GPHN: variants seen among roughly 807,000 people sequenced by gnomAD.
GPHN encodes the protein gephyrin.
Under a neutral mutation model 95.5 loss-of-function variants are expected in GPHN, and 17 were observed. The observed-to-expected ratio is 0.18, with a 90% CI of 0.12 to 0.27. GPHN has a LOEUF of 0.27. Ranked by LOEUF, GPHN falls within the 10% of genes least tolerant of loss-of-function variation. The pLI, the probability that GPHN is intolerant of heterozygous loss-of-function variation, is 1.00. For missense variants in GPHN, 660 were observed against 978.1 expected, an observed-to-expected ratio of 0.67 and a Z score of 4.34; for synonymous variants, 320 against 322.5, an observed-to-expected ratio of 0.99 and a Z score of 0.08.
intron 4 of GPHN, among the ~76,000 whole-genome samples, chr14:66,836,883 A>T (rs1469739453): frequency 1.3e-5 from 2 of 151,552 alleles, no homozygotes; most frequent in African/African-American, 4.9e-5. Flanking sequence ...GCAAATCAAA[A>T]CCACAATGAG....
At chr14:67,161,065 G>A (rs1595438566) in intron 19 of GPHN, among the ~76,000 whole-genome samples, 2 of 152,142 alleles carry the variant, frequency 1.3e-5, no homozygotes, top group East Asian at 3.9e-4. Context: ...GCTGAAGCAG[G>A]CAGGTTGCTT....
At chr14:66,710,992 T>C (rs1566852911) in intron 2 of GPHN, among the ~76,000 whole-genome samples, 2 of 152,220 alleles carry the variant, frequency 1.3e-5, no homozygotes, top group Admixed American at 6.5e-5. Context: ...AGAATAGTTA[T>C]CAAACTTTAT....
chr14:67,064,811 G>C (rs2075977156), intron 11 of GPHN, among the ~76,000 whole-genome samples: 1 of 151,992 alleles, frequency 6.6e-6, no homozygotes, highest in Non-Finnish European at 1.5e-5. Context: ...GCATCTATTT[G>C]GTTCTTATCT....
chr14:67,015,375 C>T (rs889545322), intron 9 of GPHN, among the ~76,000 whole-genome samples: 4 of 151,942 alleles, frequency 2.6e-5, no homozygotes, highest in Non-Finnish European at 4.4e-5. Flanking sequence ...GTCTATTTGC[C>T]GGCATTCTCT....
At chr14:67,001,477 A>G (rs1040600820) in intron 9 of GPHN, among the ~76,000 whole-genome samples, 9 of 151,642 alleles carry the variant, frequency 5.9e-5, no homozygotes, top group Admixed American at 6.6e-5. Flanking sequence ...TATCAAACTC[A>G]GTATGTCCAG....
At chr14:67,341,408 G>A in the GPHN span, among the ~76,000 whole-genome samples, 3 of 151,656 alleles carry the variant, frequency 2.0e-5, no homozygotes, top group Admixed American at 6.6e-5. Flanking sequence ...CAGCCGCCCC[G>A]TCTGGGAAGT....
the GPHN span, chr14:67,706,301 A>T: frequency 3.3e-5 from 5 of 152,226 alleles, no homozygotes; most frequent in Admixed American, 3.3e-4. Context: ...GGATTTTGTG[A>T]TATTTGTAGT....
the GPHN span, chr14:67,340,625 G>A: frequency 4.2e-6 from 4 of 944,450 alleles, no homozygotes; most frequent in Non-Finnish European, 4.9e-6. Flanking sequence ...TAAAATTAAT[G>A]TGCATTTAAT....
At chr14:66,938,670 C>G (rs1195274546) in intron 8 of GPHN, among the ~76,000 whole-genome samples, 1 of 152,142 alleles carries the variant, frequency 6.6e-6, no homozygotes, top group East Asian at 1.9e-4. Context: ...TGGTACAATT[C>G]TTTCCATGAA....
intron 2 of GPHN, among the ~76,000 whole-genome samples, chr14:66,735,659 T>TTC (rs2072195287): frequency 1.3e-5 from 2 of 152,180 alleles, no homozygotes; most frequent in Admixed American, 1.3e-4. Context: ...CCAGAGCACC[T>TTC]TGAACTGAGA....
intron 2 of GPHN, among the ~76,000 whole-genome samples, chr14:66,736,774 T>C (rs1040836846): frequency 1.3e-5 from 2 of 152,150 alleles, no homozygotes; most frequent in African/African-American, 4.8e-5. Context: ...TACAAAGATA[T>C]TTTCTATTTG....
At chr14:66,629,542 A>T (rs1007678560) in intron 1 of GPHN, among the ~76,000 whole-genome samples, 1 of 152,156 alleles carries the variant, frequency 6.6e-6, no homozygotes, top group African/African-American at 2.4e-5. Context: ...ACCCTAAAAT[A>T]ATGATGTAAA....
the GPHN span, chr14:67,205,184 A>G: frequency 5.5e-6 from 7 of 1,263,546 alleles, no homozygotes; most frequent in East Asian, 1.8e-4. Flanking sequence ...GATTATCAAA[A>G]TGCTATGGAA....
the GPHN span, among the ~76,000 whole-genome samples, chr14:67,339,862 G>A: frequency 2.0e-5 from 3 of 151,946 alleles, no homozygotes; most frequent in African/African-American, 7.2e-5. Flanking sequence ...ACTTTGGCAG[G>A]CCAAGGCAGG....
At chr14:66,540,531 C>T (rs1297012036) in intron 1 of GPHN, among the ~76,000 whole-genome samples, 2 of 152,112 alleles carry the variant, frequency 1.3e-5, no homozygotes, top group Non-Finnish European at 2.9e-5. Flanking sequence ...TTCTGTCTTC[C>T]GTGATAATCA....
intron 4 of GPHN, among the ~76,000 whole-genome samples, chr14:66,872,652 T>C: frequency 6.6e-6 from 1 of 151,950 alleles, no homozygotes; most frequent in Non-Finnish European, 1.5e-5. Flanking sequence ...CCCAGTACTT[T>C]GGGAGGATGA....
At chr14:67,302,810 A>G in the GPHN span, among the ~76,000 whole-genome samples, 2 of 143,162 alleles carry the variant, frequency 1.4e-5, no homozygotes, top group African/African-American at 5.1e-5. Flanking sequence ...GGAATCAGTA[A>G]TATAACTCAT....
intron 5 of GPHN, among the ~76,000 whole-genome samples, chr14:66,911,498 A>C (rs1306123108): frequency 6.6e-6 from 1 of 152,000 alleles, no homozygotes; most frequent in African/African-American, 2.4e-5. Flanking sequence ...AGTTATTTGG[A>C]GAAGAAGGGA....
intron 2 of GPHN, among the ~76,000 whole-genome samples, chr14:66,707,966 A>G (rs1281472910): frequency 2.6e-5 from 4 of 152,164 alleles, no homozygotes; most frequent in African/African-American, 9.7e-5. Context: ...ATCTTGAAAT[A>G]TACATTGCAT....
Sources: gnomAD v4.1 joint callset for allele counts (sites outside exome capture counted in the v4.1 genomes callset) on GRCh38, gnomAD v4.1.1 for gene constraint, MANE v1.5 for transcripts, NCBI Gene and HGNC (gene_info 2026-07-23, HGNC 2026-07-21) for gene names.